The following SLC16A13 variants were observed in gnomAD, a reference collection of about 807,000 sequenced individuals.
SLC16A13 encodes the protein monocarboxylate transporter 13.
A neutral mutation model predicts 28.1 loss-of-function variants in SLC16A13; 28 were observed. The ratio of observed to expected loss-of-function variants is 1.00; its 90% CI spans 0.74 to 1.37. The LOEUF (loss-of-function observed/expected upper bound fraction) is 1.37, where lower values mean the gene tolerates loss of function less well. SLC16A13 is among the 40% of genes most tolerant of loss of function. The probability of loss-of-function intolerance (pLI) is 0.00; values close to 1 mark genes in which losing one functional copy is unlikely to be tolerated. For missense variants in SLC16A13, 482 were observed against 531.8 expected (o/e 0.91, Z 0.92); for synonymous variants, 228 against 241.6 (o/e 0.94, Z 0.52).
chr17:7,038,209 C>G lies in SLC16A13; in HGVS notation c.401C>G (p.Ser134Cys), dbSNP rs752489481. 1.2e-6 allele frequency: 2 copies of G among 1,614,126 alleles called. No individual in the cohort carries two copies. Among genetic ancestry groups the G allele is most frequent in the Middle Eastern group, 3.3e-4 (2 of 6,062 alleles). The part of the protein sequence containing the change: ...PTLACLSCYF[S>C]RRRSLATGLA... ...CTGGCCTGCCTGTCCTGTTATTTCT[C>G]TCGCCGACGATCCCTGGCCACCGGG... The change falls in exon 3 of 4, where the codon TCT becomes TGT. Residue 134 changes from serine (S) to cysteine (C), a missense_variant. Physicochemically the swap from Ser to Cys is moderately radical, Grantham distance 112. Coordinates refer to ENST00000308027, the MANE Select transcript of SLC16A13 (RefSeq NM_201566.3). The surrounding 1 kb of genome is among the most constrained non-coding windows in gnomAD (Gnocchi z 5.7).
chr17:7,038,870 G>A lies in SLC16A13; in HGVS notation c.1062G>A (p.Leu354=), dbSNP rs1397668917. 6.2e-7 allele frequency: 1 copy of A among 1,608,748 alleles called. No individual in the cohort carries two copies. Among genetic ancestry groups the A allele is most frequent in the African/African-American group, 1.3e-5 (1 of 74,798 alleles). The change falls in exon 3 of 4, where the codon CTG becomes CTA. Residue 354 remains leucine (L), a synonymous_variant. Transcript: ENST00000308027. This position sits in a 1 kb window ranked among gnomAD's most constrained non-coding sequence, Gnocchi z 5.7. ...LLQMIESIGG[L]LGPPLSGYLR... ...AGATGATAGAGAGCATCGGGGGGCTGCTGGGGCCTCCTCTCTCAGGTAAGT... is the reference window on the plus strand; with the variant it reads ...AGATGATAGAGAGCATCGGGGGGCTACTGGGGCCTCCTCTCTCAGGTAAGT...
rs1658295803 is a variant in SLC16A13, at chr17:7,036,858, G to A, written c.331G>A (p.Gly111Arg). 1 of 1,612,864 alleles carries A rather than the reference G, an allele frequency of 6.2e-7. No homozygotes were observed. The highest frequency in any genetic ancestry group is 8.5e-7 in the Non-Finnish European group (1 of 1,179,998). Residue 111 changes from glycine to arginine, a missense_variant, in exon 2 of 4, where the codon GGG (glycine) becomes AGG (arginine). Gly to Arg is a moderately radical substitution (Grantham distance 125). Coordinates refer to ENST00000308027, the MANE Select transcript of SLC16A13 (RefSeq NM_201566.3). ...CTTGACCCACCTATACCTGAGTATT[G>A]GGTTGCTGTCAGGTGAGAGCCTGCA... Reference protein sequence around the residue: ...TSLTHLYLSIGLLSGSGWALT... With the variant: ...TSLTHLYLSIRLLSGSGWALT...
Position 7,039,667 on chromosome 17 carries a change from A to G in SLC16A13, c.1082-96A>G, listed in dbSNP as rs1910670388. ...TTCCATGGGAGTTCCAACTCCTCTGAGATGATAAGTCTTCCCTCCACCCAA... is the reference window on the plus strand; with the variant it reads ...TTCCATGGGAGTTCCAACTCCTCTGGGATGATAAGTCTTCCCTCCACCCAA... On this transcript the variant is annotated intron_variant, in intron 3 of 3. Transcript: ENST00000308027. This position sits in a 1 kb window ranked among gnomAD's most constrained non-coding sequence, Gnocchi z 4.3. 7.7e-7 allele frequency: 1 copy of G among 1,290,340 alleles called. No homozygotes were observed. The highest frequency in any genetic ancestry group is 1.1e-6 in the Non-Finnish European group (1 of 906,280). The allele number at this position is 1,290,340 out of a possible 1,614,324, so 79.9% of individuals were successfully genotyped here.
chr17:7,036,407 G>A lies in SLC16A13; in HGVS notation c.25G>A (p.Asp9Asn). The change falls in exon 1 of 4, where the codon GAC becomes AAC. Residue 9 changes from aspartate to asparagine, a missense_variant. Coordinates refer to ENST00000308027, the MANE Select transcript of SLC16A13 (RefSeq NM_201566.3). Reference sequence around the variant, plus strand: ...GATGGCGCGCAGGACAGAGCCCCCCGACGGGGGCTGGGGATGGGTGGTGGT... The same window carrying A: ...GATGGCGCGCAGGACAGAGCCCCCCAACGGGGGCTGGGGATGGGTGGTGGT... MARRTEPP[D>N]GGWGWVVVLS... is the part of the protein sequence containing the mutation. 6.2e-7 allele frequency: 1 copy of A among 1,611,662 alleles called. No homozygotes were observed. Among genetic ancestry groups the A allele is most frequent in the South Asian group, 1.1e-5 (1 of 90,986 alleles).
chr17:7,036,710 C>G lies in SLC16A13; in HGVS notation c.200-17C>G. ...GACCCCTGAGATCTTCTCGCAGCGC[C>G]CCTTCCACTTCCTCAGGCCCGGTAG... On this transcript the variant is annotated splice_polypyrimidine_tract_variant and intron_variant, in intron 1 of 3. Transcript: ENST00000308027. 6.2e-7 allele frequency: 1 copy of G among 1,610,942 alleles called. No individual in the cohort carries two copies. Among genetic ancestry groups the G allele is most frequent in the Non-Finnish European group, 8.5e-7 (1 of 1,179,692 alleles).
chr17:7,038,873 G>C lies in SLC16A13; in HGVS notation c.1065G>C (p.Leu355=). The part of the protein sequence containing the change: ...LQMIESIGGL[L]GPPLSGYLRD... ...TGATAGAGAGCATCGGGGGGCTGCT[G>C]GGGCCTCCTCTCTCAGGTAAGTGGA... The change falls in exon 3 of 4, where the codon CTG becomes CTC. Residue 355 remains leucine, a synonymous_variant. Coordinates refer to ENST00000308027, the MANE Select transcript of SLC16A13 (RefSeq NM_201566.3). This position sits in a 1 kb window ranked among gnomAD's most constrained non-coding sequence, Gnocchi z 5.7. 1.2e-6 allele frequency: 2 copies of C among 1,608,534 alleles called. No homozygotes were observed. Among genetic ancestry groups the C allele is most frequent in the Non-Finnish European group, 8.5e-7 (1 of 1,176,976 alleles).
Position 7,038,287 on chromosome 17 carries a change from A to G in SLC16A13, c.479A>G (p.Gln160Arg), listed in dbSNP as rs775494888. ...TCCTTCACATTTGCCCCCTTTTTCC[A>G]GTGGCTGCTCAGCCACTACGCCTGG... is the stretch of plus-strand genomic sequence containing the variant. Reference protein sequence around the residue: ...LSSFTFAPFFQWLLSHYAWRG... With the variant: ...LSSFTFAPFFRWLLSHYAWRG... The change falls in exon 3 of 4, where the codon CAG becomes CGG. Residue 160 changes from glutamine to arginine, a missense_variant. Physicochemically the swap from Gln to Arg is conservative, Grantham distance 43. Transcript: ENST00000308027. This position sits in a 1 kb window ranked among gnomAD's most constrained non-coding sequence, Gnocchi z 5.7. The G allele has an allele frequency of 1.9e-6, 3 of 1,613,788 alleles. No individual in the cohort carries two copies. In the Admixed American group the frequency reaches 5.0e-5, roughly 27 times the overall value.
chr17:7,039,621 G>A lies in SLC16A13; in HGVS notation c.1082-142G>A. 1 of 869,356 alleles carries A rather than the reference G, an allele frequency of 1.2e-6. No homozygotes were observed. Among genetic ancestry groups the A allele is most frequent in the Non-Finnish European group, 1.8e-6 (1 of 569,852 alleles). The allele number at this position is 869,356 out of a possible 1,614,324, so 53.9% of individuals were successfully genotyped here. A position where few individuals can be genotyped will look rare whatever the true frequency, so the allele number is the denominator to read the frequency against. Reference sequence around the variant, plus strand: ...TTTGAGGCCCTTTTGGGAAACCAGAGTTCTTAAGTTTATCCAACTATTCCA... The same window carrying A: ...TTTGAGGCCCTTTTGGGAAACCAGAATTCTTAAGTTTATCCAACTATTCCA... On this transcript the variant is annotated intron_variant, in intron 3 of 3. Coordinates refer to ENST00000308027, the MANE Select transcript of SLC16A13 (RefSeq NM_201566.3). This position sits in a 1 kb window ranked among gnomAD's most constrained non-coding sequence, Gnocchi z 4.3.
rs768438713 is a variant in SLC16A13 at position 7,038,377 on chromosome 17, G to A, written c.569G>A (p.Arg190His). 3.0e-5 allele frequency: 49 copies of A among 1,613,770 alleles called. No homozygotes were observed. The African/African-American group carries it at 3.1e-4, about 10-fold the overall frequency. ...LHLVACGALL[R>H]PPSLAEDPAV... is the part of the protein sequence containing the mutation. Reference sequence around the variant, plus strand: ...CTAGTGGCCTGTGGTGCTCTCCTCCGCCCACCCTCCCTGGCTGAGGACCCT... The same window carrying A: ...CTAGTGGCCTGTGGTGCTCTCCTCCACCCACCCTCCCTGGCTGAGGACCCT... The change falls in exon 3 of 4, where the codon CGC becomes CAC. Residue 190 changes from arginine (R) to histidine (H), a missense_variant. By Grantham distance (29) the Arg-to-His change is conservative. Coordinates refer to ENST00000308027, the MANE Select transcript of SLC16A13 (RefSeq NM_201566.3). This position sits in a 1 kb window ranked among gnomAD's most constrained non-coding sequence, Gnocchi z 5.7.
chr17:7,037,497 CG>C (rs957212796), intron 2 of SLC16A13, among the ~76,000 whole-genome samples: 22 of 151,742 alleles, frequency 1.4e-4, no homozygotes, highest in Non-Finnish European at 2.6e-4. Flanking sequence ...GAGGCCGAGG[CG>C]GGCGGATCAC....
chr17:7,037,736 AAG>A (rs1262696403), intron 2 of SLC16A13, among the ~76,000 whole-genome samples: 10 of 152,242 alleles, frequency 6.6e-5, no homozygotes, highest in Non-Finnish European at 1.0e-4. Flanking sequence ...AAAAAAAAAA[AAG>A]AAAAAAAAAG....
rs541421699 is a variant in SLC16A13 at position 7,039,277 on chromosome 17, C to G, written c.1081+388C>G. 6.6e-6 allele frequency among the ~76,000 whole-genome samples: 1 copy of G among 152,250 alleles called. No homozygotes were observed. Among genetic ancestry groups the G allele is most frequent in the Non-Finnish European group, 1.5e-5 (1 of 68,006 alleles). Reference sequence around the variant, plus strand: ...GGCTCAGGGTGCCAGAACTTTCAGACCTTTATCTCCTCTTACCCATTAACT... The same window carrying G: ...GGCTCAGGGTGCCAGAACTTTCAGAGCTTTATCTCCTCTTACCCATTAACT... On this transcript the variant is annotated intron_variant, in intron 3 of 3. Coordinates refer to ENST00000308027, the MANE Select transcript of SLC16A13 (RefSeq NM_201566.3). The surrounding 1 kb of genome is among the most constrained non-coding windows in gnomAD (Gnocchi z 4.3).
Position 7,038,253 on chromosome 17 carries a change from G to A in SLC16A13, c.445G>A (p.Gly149Ser). The A allele has an allele frequency of 6.2e-7, 1 of 1,614,100 alleles. No homozygotes were observed. The change falls in exon 3 of 4, where the codon GGC becomes AGC. Residue 149 changes from glycine to serine, a missense_variant. Physicochemically the swap from Gly to Ser is moderately conservative, Grantham distance 56 (BLOSUM62 0). Coordinates refer to ENST00000308027, the MANE Select transcript of SLC16A13 (RefSeq NM_201566.3). This position sits in a 1 kb window ranked among gnomAD's most constrained non-coding sequence, Gnocchi z 5.7. ...CACCGGGCTGGCACTGACAGGCGTG[G>A]GCCTCTCCTCCTTCACATTTGCCCC... ...LATGLALTGV[G>S]LSSFTFAPFF...
In SLC16A13 at chr17:7,038,082, G is replaced by A; in HGVS notation, c.344-70G>A. The A allele has an allele frequency of 6.6e-7, 1 of 1,520,354 alleles. No individual in the cohort carries two copies. The allele number at this position is 1,520,354 out of a possible 1,614,324, so 94.2% of individuals were successfully genotyped here. On this transcript the variant is annotated intron_variant, in intron 2 of 3. Coordinates refer to ENST00000308027, the MANE Select transcript of SLC16A13 (RefSeq NM_201566.3). This position sits in a 1 kb window ranked among gnomAD's most constrained non-coding sequence, Gnocchi z 5.7. ...AGCAAGTGCTACATTCTGCTGCTGGGCAATGCGGGGATTACTGTGTGCCTT... is the reference window on the plus strand; with the variant it reads ...AGCAAGTGCTACATTCTGCTGCTGGACAATGCGGGGATTACTGTGTGCCTT...
At position 7,038,922 on chromosome 17, in the gene SLC16A13, C is replaced by CT. The variant is rs754798185; in HGVS notation, c.1081+34dup. On this transcript the variant is annotated intron_variant, in intron 3 of 3. Coordinates refer to ENST00000308027, the MANE Select transcript of SLC16A13 (RefSeq NM_201566.3). The surrounding 1 kb of genome is among the most constrained non-coding windows in gnomAD (Gnocchi z 5.7). ...GAATGGGGTTCCCAGGGGGTGAGGG[C>CT]TGCCATGTTGCACAACTAGGGGAGG... The CT allele has an allele frequency of 2.5e-6, 4 of 1,572,296 alleles. No homozygotes were observed. The highest frequency in any genetic ancestry group is 8.6e-7 in the Non-Finnish European group (1 of 1,161,164).
intron 2 of SLC16A13, 170 bp downstream of exon 2, chr17:7,037,040 G>A: frequency 1.2e-6 from 1 of 863,258 alleles, no homozygotes; most frequent in Non-Finnish European, 1.7e-6. Flanking sequence ...ACATGGTGAG[G>A]AATTAGGAAA....
chr17:7,039,996 T>C lies in SLC16A13; in HGVS notation c.*34T>C, dbSNP rs190224545. ...GAGTCAGGCCCAGAAAGCCAAAGCT[T>C]GACAGCTCCAGGTCTTCTCTTGCCA... On this transcript the variant is annotated 3_prime_UTR_variant, in exon 4 of 4. Transcript: ENST00000308027. The surrounding 1 kb of genome is among the most constrained non-coding windows in gnomAD (Gnocchi z 4.3). 3.3e-4 allele frequency: 519 copies of C among 1,593,392 alleles called. No homozygotes were observed. The African/African-American group carries it at 6.5e-3, about 20-fold the overall frequency.
chr17:7,039,837 G>A lies in SLC16A13; in HGVS notation c.1156G>A (p.Gly386Ser). The change falls in exon 4 of 4, where the codon GGC becomes AGC. Residue 386 changes from glycine (G) to serine (S), a missense_variant. Gly to Ser is a moderately conservative substitution (Grantham distance 56). Transcript: ENST00000308027. The surrounding 1 kb of genome is among the most constrained non-coding windows in gnomAD (Gnocchi z 4.3). ...VAGAFLLSGS[G>S]ILLTLPHFFC... Reference sequence around the variant, plus strand: ...TGGGGCCTTCCTTCTTTCAGGGAGTGGCATTCTCCTCACCCTGCCCCACTT... The same window carrying A: ...TGGGGCCTTCCTTCTTTCAGGGAGTAGCATTCTCCTCACCCTGCCCCACTT... 4 of 1,614,114 alleles carry A rather than the reference G, an allele frequency of 2.5e-6. No homozygotes were observed. Among genetic ancestry groups the A allele is most frequent in the Non-Finnish European group, 3.4e-6 (4 of 1,180,034 alleles).
intron 1 of SLC16A13, 38 bp from the exon 2 acceptor site, chr17:7,036,689 C>G (rs1335877174): frequency 6.2e-7 from 1 of 1,608,624 alleles, no homozygotes; most frequent in African/African-American, 1.3e-5. Context: ...GGGGGAGACC[C>G]CTGAGATCTT....
Sources: allele counts gnomAD v4.1 joint callset (sites outside exome capture counted in the v4.1 genomes callset), GRCh38; gene constraint gnomAD v4.1.1; non-coding constraint Gnocchi (gnomAD v3.1); transcripts MANE v1.5; gene names NCBI Gene and HGNC (gene_info 2026-07-23, HGNC 2026-07-21).